MYOM2: variants seen among roughly 807,000 people sequenced by gnomAD.
MYOM2 encodes the protein myomesin-2.
In MYOM2, 254 loss-of-function variants were observed where a neutral mutation model predicts 187.6. That is an observed-to-expected ratio of 1.35 (90% confidence interval 1.22 to 1.50). The LOEUF is 1.50. Ranked by LOEUF, MYOM2 falls within the 40% of genes most tolerant of loss-of-function variation. MYOM2 has a pLI of 0.00. For synonymous variants in MYOM2, 981 were observed against 753.8 expected (o/e 1.30, Z -4.94); for missense variants, 2,796 against 1,924.0 (o/e 1.45, Z -8.48).
intron 21 of MYOM2, 150 bp from the exon 22 acceptor site, chr8:2,106,092 C>T: frequency 1.3e-6 from 1 of 750,346 alleles, no homozygotes; most frequent in Non-Finnish European, 2.1e-6. Flanking sequence ...CCCCGTGATC[C>T]AATCACCTCA....
At chr8:2,045,872 C>G (rs958120604) in intron 1 of MYOM2, among the ~76,000 whole-genome samples, 1 of 152,162 alleles carries the variant, frequency 6.6e-6, no homozygotes, top group Admixed American at 6.5e-5. Flanking sequence ...TGGAAGGCAC[C>G]GGAGGCAAAC....
At position 2,124,902 on chromosome 8, in the gene MYOM2, A is replaced by G. The variant is rs563832351; in HGVS notation, c.3694+685A>G. ...ATTTTTCTGTCTTCTTTTGAGAAAT[A>G]TCTGTTCAGATCCTTTGCCCATTTT... On this transcript the variant is annotated intron_variant, in intron 31 of 36. Transcript: ENST00000262113. Among the ~76,000 whole-genome samples the G allele has an allele frequency of 3.9e-5, 6 of 152,222 alleles. No homozygotes were observed. The East Asian group carries it at 1.2e-3, about 29-fold the overall frequency.
chr8:2,116,672 T>C (rs1168290630), intron 27 of MYOM2, among the ~76,000 whole-genome samples: 3 of 152,218 alleles, frequency 2.0e-5, no homozygotes, highest in African/African-American at 7.2e-5. Flanking sequence ...TTTAAATAGA[T>C]TGCTTTTACA....
Position 2,123,662 on chromosome 8 carries a change from G to C in MYOM2, c.3655+20G>C, listed in dbSNP as rs773019071. ...GCAAAGGTAAAAGAAAACCTCCTTT[G>C]TTCTGTGAACAAGAAATTCCTTTCA... On this transcript the variant is annotated intron_variant, in intron 30 of 36. Coordinates refer to ENST00000262113, the MANE Select transcript of MYOM2 (RefSeq NM_003970.4). 2 of 1,606,528 alleles carry C rather than the reference G, an allele frequency of 1.2e-6. No homozygotes were observed. The highest frequency in any genetic ancestry group is 2.2e-5 in the South Asian group (2 of 90,900).
At chr8:2,141,202 ATGATATCCTGTGGGCAGT>A (rs1563085712) in intron 34 of MYOM2, 25 bp downstream of exon 34, 2 of 1,608,298 alleles carry the variant, frequency 1.2e-6, no homozygotes, top group Non-Finnish European at 1.7e-6. Context: ...TTTAGTTACT[ATGATATCCTGTGGGCAGT>A]TGAGTCCCAG....
At chr8:2,084,917 T>C (rs1819757093) in intron 13 of MYOM2, 1 of 269,310 alleles carries the variant, frequency 3.7e-6, no homozygotes, top group Admixed American at 4.9e-5. Context: ...ATATGTTCTC[T>C]GCACAGATTC....
intron 6 of MYOM2, among the ~76,000 whole-genome samples, chr8:2,063,405 C>G (rs1309619111): frequency 2.0e-5 from 3 of 152,146 alleles, no homozygotes; most frequent in Non-Finnish European, 4.4e-5. Context: ...CCCCTTGGTA[C>G]TATTTTATTT....
chr8:2,059,091 G>A, intron 5 of MYOM2, 62 bp from the exon 6 acceptor site: 1 of 1,442,052 alleles, frequency 6.9e-7, no homozygotes, highest in Admixed American at 1.7e-5. Context: ...AGCTGGGGCA[G>A]AATTGCACAC....
chr8:2,045,297 C>G (rs973875842), intron 1 of MYOM2, 129 bp downstream of exon 1: 1 of 152,376 alleles, frequency 6.6e-6, no homozygotes, highest in Non-Finnish European at 1.5e-5. Flanking sequence ...CACCCCGTCG[C>G]AGGCACCCTT....
chr8:2,054,318 C>T (rs1818588021), intron 3 of MYOM2, among the ~76,000 whole-genome samples: 1 of 152,050 alleles, frequency 6.6e-6, no homozygotes, highest in Non-Finnish European at 1.5e-5. Flanking sequence ...CCCCGATGCT[C>T]TGAAGGCACT....
rs201601749 is a variant in MYOM2 at position 2,143,421 on chromosome 8, G to A, written c.4045G>A (p.Gly1349Ser). The change falls in exon 36 of 37, where the codon GGC becomes AGC. Residue 1349 changes from glycine to serine, a missense_variant. By Grantham distance (56) the Gly-to-Ser change is moderately conservative. Transcript: ENST00000262113. The part of the protein sequence containing the change: ...AEKNRGRLIG[G>S]LPDVVTIMEG... ...TGCAGATCGTGGCAGGTTGATCGGC[G>A]GCTTGCCTGACGTGGTGACCATCAT... The A allele has an allele frequency of 5.6e-6, 9 of 1,614,100 alleles. No individual in the cohort carries two copies. The East Asian group carries it at 1.1e-4, about 20-fold the overall frequency.
intron 21 of MYOM2, among the ~76,000 whole-genome samples, chr8:2,103,249 TGAG>T (rs1377464157): frequency 7.3e-6 from 1 of 137,716 alleles, no homozygotes; most frequent in Non-Finnish European, 1.6e-5. Context: ...TATGGATAAA[TGAG>T]TGAGAGAGTG....
At chr8:2,092,253 G>T (rs1384217399) in intron 15 of MYOM2, 93 bp from the exon 16 acceptor site, 5 of 1,445,488 alleles carry the variant, frequency 3.5e-6, no homozygotes, top group Admixed American at 3.7e-5. Flanking sequence ...CAGTCTGGCT[G>T]TCCAGTTCCC....
intron 6 of MYOM2, among the ~76,000 whole-genome samples, chr8:2,065,290 G>C (rs1187345665): frequency 6.6e-6 from 1 of 152,200 alleles, no homozygotes; most frequent in Non-Finnish European, 1.5e-5. Context: ...GCCTTGGCAG[G>C]CCAGGCACGG....
At position 2,078,723 on chromosome 8, in the gene MYOM2, T is replaced by A. The variant is rs775842893; in HGVS notation, c.1263-11T>A. ...GCTATTCTCTGTTGTTTTTCTTTTT[T>A]TAACTTGAAGATGTGAAGTAGGAAC... On this transcript the variant is annotated splice_polypyrimidine_tract_variant and intron_variant, in intron 11 of 36. Transcript: ENST00000262113. 5.6e-6 allele frequency: 9 copies of A among 1,613,944 alleles called. No homozygotes were observed. In the South Asian group the frequency reaches 8.8e-5, roughly 16 times the overall value.
At chr8:2,059,862 C>T (rs1036854560) in intron 6 of MYOM2, among the ~76,000 whole-genome samples, 1 of 151,770 alleles carries the variant, frequency 6.6e-6, no homozygotes. Context: ...CCTGCCTCAG[C>T]CTCCCCAGTA....
intron 32 of MYOM2, among the ~76,000 whole-genome samples, chr8:2,137,118 G>A (rs79579426): frequency 2.6e-5 from 4 of 151,080 alleles, no homozygotes; most frequent in East Asian, 1.9e-4. Flanking sequence ...GAACATCTTC[G>A]TCTATACATC....
intron 13 of MYOM2, among the ~76,000 whole-genome samples, chr8:2,083,006 G>A (rs1052144119): frequency 6.6e-6 from 1 of 152,146 alleles, no homozygotes; most frequent in African/African-American, 2.4e-5. Flanking sequence ...TTAGGAAAGT[G>A]ATATGTTTTT....
chr8:2,060,028 C>T (rs6981447), intron 6 of MYOM2, among the ~76,000 whole-genome samples: 7,302 of 152,304 alleles, frequency 0.048, 368 homozygotes, highest in African/African-American at 0.12. Flanking sequence ...AGGCATGAGC[C>T]ACTGCCCCCG....
Sources: gnomAD v4.1 joint callset for allele counts (sites outside exome capture counted in the v4.1 genomes callset) on GRCh38, gnomAD v4.1.1 for gene constraint, MANE v1.5 for transcripts, NCBI Gene and HGNC (gene_info 2026-07-23, HGNC 2026-07-21) for gene names.